The following PLCE1 variants were observed in gnomAD, a reference collection of about 807,000 sequenced individuals.
The protein encoded by PLCE1 is 1-phosphatidylinositol 4,5-bisphosphate phosphodiesterase epsilon-1.
In PLCE1, 119 loss-of-function variants were observed where a neutral mutation model predicts 242.8. The ratio of observed to expected loss-of-function variants is 0.49; its 90% confidence interval spans 0.42 to 0.57. The LOEUF (loss-of-function observed/expected upper bound fraction) is 0.57, where lower values mean the gene tolerates loss of function less well. Ranked by LOEUF, PLCE1 falls within the 20% of genes least tolerant of loss-of-function variation. PLCE1 has a pLI of 0.00. For synonymous variants in PLCE1, 945 were observed against 1,017.4 expected, an observed-to-expected ratio of 0.93 and a Z score of 1.35; for missense variants, 2,441 against 2,788.8, an observed-to-expected ratio of 0.88 and a Z score of 2.81.
intron 4 of PLCE1, among the ~76,000 whole-genome samples, chr10:94,180,028 A>G (rs2048262432): frequency 6.6e-6 from 1 of 152,148 alleles, no homozygotes; most frequent in Non-Finnish European, 1.5e-5. Flanking sequence ...CCCCCACTTA[A>G]CAGGTGAGAA....
chr10:94,313,156 TC>T, intron 27 of PLCE1, 97 bp from the exon 28 acceptor site: 1 of 1,409,776 alleles, frequency 7.1e-7, no homozygotes, highest in Non-Finnish European at 1.0e-6. Flanking sequence ...ATTTACATGT[TC>T]CTATCCGTAC....
intron 1 of PLCE1, among the ~76,000 whole-genome samples, chr10:93,998,117 G>A (rs2060864057): frequency 6.6e-6 from 1 of 152,206 alleles, no homozygotes; most frequent in Non-Finnish European, 1.5e-5. Flanking sequence ...CTCTTTTCTT[G>A]TGGGAGTTCG....
chr10:94,028,314 C>T (rs138521664), intron 1 of PLCE1, among the ~76,000 whole-genome samples: 32 of 152,110 alleles, frequency 2.1e-4, no homozygotes, highest in Non-Finnish European at 3.5e-4. Context: ...CTGGAGGATC[C>T]GCTTCCAAGA....
chr10:94,004,570 C>T (rs960451361), intron 1 of PLCE1, among the ~76,000 whole-genome samples: 3 of 152,216 alleles, frequency 2.0e-5, no homozygotes, highest in African/African-American at 7.2e-5. Flanking sequence ...TGTGGAGAAG[C>T]TGAGGAGAAT....
intron 2 of PLCE1, chr10:94,120,877 AC>A (rs1177795698): frequency 2.0e-5 from 3 of 152,380 alleles, no homozygotes; most frequent in Non-Finnish European, 2.9e-5. Context: ...AAAGAAAGCA[AC>A]ATGGGGAACA....
intron 2 of PLCE1, among the ~76,000 whole-genome samples, chr10:94,103,008 G>C (rs115208423): frequency 0.032 from 4,852 of 152,318 alleles, 252 homozygotes; most frequent in African/African-American, 0.11. Context: ...AAGAGTTCTT[G>C]CTGGAGATTT....
intron 22 of PLCE1, among the ~76,000 whole-genome samples, chr10:94,286,367 G>A (rs559863710): frequency 2.6e-5 from 4 of 152,210 alleles, no homozygotes; most frequent in Non-Finnish European, 4.4e-5. Context: ...GTAGTGGTGC[G>A]TGCCTGTAAT....
chr10:94,045,611 A>G (rs1052114702), intron 2 of PLCE1, among the ~76,000 whole-genome samples: 4 of 152,224 alleles, frequency 2.6e-5, no homozygotes, highest in Non-Finnish European at 5.9e-5. Flanking sequence ...TAAAAAATAC[A>G]TTTCTGATAC....
chr10:94,250,937 G>A (rs767917492), intron 8 of PLCE1, among the ~76,000 whole-genome samples: 6 of 152,036 alleles, frequency 3.9e-5, no homozygotes, highest in Non-Finnish European at 7.4e-5. Flanking sequence ...TTGTTAGCAG[G>A]GATTCTCTTC....
At chr10:94,121,033 G>A (rs2046284106) in intron 2 of PLCE1, 1 of 152,158 alleles carries the variant, frequency 6.6e-6, no homozygotes, top group South Asian at 2.1e-4. Flanking sequence ...TGAGAGAGAG[G>A]ATCTGCACTG....
Position 94,031,804 on chromosome 10 carries a change from G to A in PLCE1, c.758G>A (p.Cys253Tyr). 1 of 1,613,764 alleles carries A rather than the reference G, an allele frequency of 6.2e-7. No homozygotes were observed. ...GATAATAAGAATGAGCAGCTGCAGTGTGATCATTGTGACACCTTGAATGAT... is the reference window on the plus strand; with the variant it reads ...GATAATAAGAATGAGCAGCTGCAGTATGATCATTGTGACACCTTGAATGAT... Reference protein sequence around the residue: ...NCDNKNEQLQCDHCDTLNDKY... With the variant: ...NCDNKNEQLQYDHCDTLNDKY... Residue 253 changes from cysteine (C) to tyrosine (Y), a missense_variant, in exon 2 of 33, where the codon TGT (cysteine) becomes TAT (tyrosine). Coordinates refer to ENST00000371380, the MANE Select transcript of PLCE1 (RefSeq NM_016341.4).
intron 4 of PLCE1, among the ~76,000 whole-genome samples, chr10:94,218,064 A>C (rs947585049): frequency 1.3e-5 from 2 of 152,186 alleles, no homozygotes; most frequent in African/African-American, 4.8e-5. Flanking sequence ...AAAATTTCAT[A>C]ATGATGCATC....
At chr10:94,207,691 G>C (rs945834225) in intron 4 of PLCE1, among the ~76,000 whole-genome samples, 1 of 152,144 alleles carries the variant, frequency 6.6e-6, no homozygotes, top group Non-Finnish European at 1.5e-5. Context: ...GGGCTTCTTG[G>C]AGAAAATGGC....
chr10:94,175,828 T>C (rs746241367), intron 4 of PLCE1, among the ~76,000 whole-genome samples: 1 of 152,332 alleles, frequency 6.6e-6, no homozygotes, highest in East Asian at 1.9e-4. Context: ...ACAGAGGTTA[T>C]CTTTCTGTGC....
intron 2 of PLCE1, among the ~76,000 whole-genome samples, chr10:94,049,125 TTTAA>T (rs1354419445): frequency 6.6e-6 from 1 of 152,106 alleles, no homozygotes; most frequent in African/African-American, 2.4e-5. Flanking sequence ...TCTCCTATAT[TTTAA>T]TTGTCTTTTC....
chr10:94,081,218 TG>T (rs2044646063), intron 2 of PLCE1, among the ~76,000 whole-genome samples: 1 of 152,242 alleles, frequency 6.6e-6, no homozygotes. Context: ...CTTCTTGGTT[TG>T]TAAAGATCTC....
intron 2 of PLCE1, among the ~76,000 whole-genome samples, chr10:94,118,569 T>A (rs1326828848): frequency 6.6e-6 from 1 of 152,180 alleles, no homozygotes; most frequent in Non-Finnish European, 1.5e-5. Context: ...TAAGATCTGA[T>A]GGTTTTAAAA....
chr10:94,270,013 A>G (rs1233432508), intron 17 of PLCE1, among the ~76,000 whole-genome samples: 1 of 152,328 alleles, frequency 6.6e-6, no homozygotes, highest in Non-Finnish European at 1.5e-5. Context: ...CCTATTTAGC[A>G]TTCCTAAAAC....
intron 2 of PLCE1, among the ~76,000 whole-genome samples, chr10:94,079,461 C>T (rs1368815182): frequency 4.0e-5 from 6 of 151,612 alleles, no homozygotes; most frequent in African/African-American, 1.2e-4. Context: ...GGGTGGGGAG[C>T]GAGGGGAGGG....
Sources: gnomAD v4.1 joint callset for allele counts (sites outside exome capture counted in the v4.1 genomes callset) on GRCh38, gnomAD v4.1.1 for gene constraint, MANE v1.5 for transcripts, NCBI Gene and HGNC (gene_info 2026-07-23, HGNC 2026-07-21) for gene names.